The following DOK5 variants were observed in gnomAD, a reference collection of about 807,000 sequenced individuals.
DOK5 encodes the protein downstream of tyrosine kinase 5.
A neutral mutation model predicts 43.3 loss-of-function variants in DOK5; 27 were observed. The ratio of observed to expected loss-of-function variants is 0.62; its 90% confidence interval spans 0.46 to 0.86. DOK5 has a LOEUF of 0.86. Ranked by LOEUF, DOK5 falls within the 40% of genes least tolerant of loss-of-function variation. DOK5 has a pLI of 0.00. For synonymous variants in DOK5, 146 were observed against 140.1 expected (o/e 1.04, Z -0.30); for missense variants, 373 against 392.9 (o/e 0.95, Z 0.43).
At chr20:54,607,105 C>T (rs1986496005) in intron 5 of DOK5, among the ~76,000 whole-genome samples, 1 of 152,214 alleles carries the variant, frequency 6.6e-6, no homozygotes, top group Admixed American at 6.5e-5. Context: ...GATCAGGGAT[C>T]ACCTGGCTGG....
chr20:54,639,622 GT>G (rs1322748496), intron 6 of DOK5, among the ~76,000 whole-genome samples: 1 of 58,568 alleles, frequency 1.7e-5, no homozygotes, highest in East Asian at 5.7e-3. Context: ...TATATCTATT[GT>G]AAAAAAAAAA....
intron 1 of DOK5, among the ~76,000 whole-genome samples, chr20:54,536,078 C>G (rs1008721784): frequency 2.0e-5 from 3 of 152,094 alleles, no homozygotes; most frequent in Non-Finnish European, 4.4e-5. Flanking sequence ...CTTGAGGATT[C>G]AAAGTGATTC....
In DOK5 at chr20:54,576,674, A is replaced by G. The variant is rs142551419; in HGVS notation, c.175-11809A>G. Among the ~76,000 whole-genome samples, 576 of 152,224 alleles carry G rather than the reference A, an allele frequency of 3.8e-3. 1 individual carries two copies. The highest frequency in any genetic ancestry group is 0.014 in the African/African-American group (561 of 41,538). ...CACAGGACCTGGCATGCCGATTCCT[A>G]TGCTGTGTGTCTTAAATTTCATTTG... is the stretch of plus-strand genomic sequence containing the variant. On this transcript the variant is annotated intron_variant, in intron 2 of 7. Coordinates refer to ENST00000262593, the MANE Select transcript of DOK5 (RefSeq NM_018431.5).
chr20:54,531,599 A>G (rs1028467421), intron 1 of DOK5, among the ~76,000 whole-genome samples: 2 of 152,222 alleles, frequency 1.3e-5, no homozygotes, highest in Admixed American at 6.5e-5. Flanking sequence ...TTGGAGACAA[A>G]GTCTTGGGGA....
chr20:54,477,981 G>A (rs555135307), intron 1 of DOK5, among the ~76,000 whole-genome samples: 1 of 152,288 alleles, frequency 6.6e-6, no homozygotes. Flanking sequence ...GAAATATTTA[G>A]TTTGTATTTG....
chr20:54,644,722 A>AAACC (rs1979310398), intron 7 of DOK5, among the ~76,000 whole-genome samples: 4 of 146,628 alleles, frequency 2.7e-5, no homozygotes, highest in Middle Eastern at 3.5e-3. Context: ...AAAAAAAAAA[A>AAACC]AACAAAATTT....
rs988721546 is a variant in DOK5, at chr20:54,515,862, G to A, written c.67-39071G>A. Among the ~76,000 whole-genome samples, 4 of 152,194 alleles carry A rather than the reference G, an allele frequency of 2.6e-5. No homozygotes were observed. The South Asian group carries it at 6.2e-4, about 24-fold the overall frequency. On this transcript the variant is annotated intron_variant, in intron 1 of 7. Coordinates refer to ENST00000262593, the MANE Select transcript of DOK5 (RefSeq NM_018431.5). ...AAATAAGATTACTGGCCATCAGCCG[G>A]TTTTGCCAGGTGATGGCATGAATGT...
At chr20:54,554,163 A>G (rs1434333527) in intron 1 of DOK5, among the ~76,000 whole-genome samples, 1 of 152,172 alleles carries the variant, frequency 6.6e-6, no homozygotes, top group African/African-American at 2.4e-5. Flanking sequence ...TCCTGGGGAT[A>G]TAGATGATTT....
intron 6 of DOK5, among the ~76,000 whole-genome samples, chr20:54,639,639 TA>T (rs1287042218): frequency 5.3e-5 from 8 of 151,968 alleles, no homozygotes; most frequent in East Asian, 3.9e-4. Context: ...AAAAACTATA[TA>T]AAAATATATT....
At chr20:54,627,691 A>G (rs1023495519) in intron 6 of DOK5, among the ~76,000 whole-genome samples, 1 of 152,234 alleles carries the variant, frequency 6.6e-6, no homozygotes, top group African/African-American at 2.4e-5. Flanking sequence ...TGTGCATCAC[A>G]GTCACCTACA....
At chr20:54,647,092 C>G (rs1979467432) in intron 7 of DOK5, among the ~76,000 whole-genome samples, 1 of 152,094 alleles carries the variant, frequency 6.6e-6, no homozygotes, top group African/African-American at 2.4e-5. Context: ...GGTTTTGACA[C>G]GTGCCACACA....
rs543862846 is a variant in DOK5 at position 54,490,678 on chromosome 20, C to T, written c.66+14666C>T. Among the ~76,000 whole-genome samples the T allele has an allele frequency of 2.1e-4, 32 of 152,254 alleles. No homozygotes were observed. The East Asian group carries it at 4.3e-3, about 20-fold the overall frequency. On this transcript the variant is annotated intron_variant, in intron 1 of 7. Transcript: ENST00000262593. ...TTGGCTCATGGCAACCTCCGCCTCC[C>T]GTGTTCAAGCAATTCTCCTGCCTCA...
At chr20:54,634,100 A>G (rs527360652) in intron 6 of DOK5, among the ~76,000 whole-genome samples, 2 of 152,312 alleles carry the variant, frequency 1.3e-5, no homozygotes, top group African/African-American at 2.4e-5. Context: ...CCAGAAATGC[A>G]TTTGGCAGGT....
intron 5 of DOK5, 53 bp downstream of exon 5, chr20:54,591,858 C>A: frequency 6.8e-7 from 1 of 1,474,768 alleles, no homozygotes; most frequent in South Asian, 1.3e-5. Flanking sequence ...TGTGTGTGTT[C>A]ATTTTTACCA....
intron 6 of DOK5, among the ~76,000 whole-genome samples, chr20:54,626,903 T>G (rs920073749): frequency 2.6e-5 from 4 of 152,192 alleles, no homozygotes; most frequent in African/African-American, 9.7e-5. Flanking sequence ...AATTTAAATT[T>G]TATTGGAACA....
intron 1 of DOK5, among the ~76,000 whole-genome samples, chr20:54,504,032 C>T (rs1218172886): frequency 6.6e-6 from 1 of 152,186 alleles, no homozygotes; most frequent in Non-Finnish European, 1.5e-5. Context: ...TTGTCCATGC[C>T]ACCCTGGTGA....
At chr20:54,546,493 C>T (rs1482261481) in intron 1 of DOK5, among the ~76,000 whole-genome samples, 1 of 151,976 alleles carries the variant, frequency 6.6e-6, no homozygotes, top group Non-Finnish European at 1.5e-5. Context: ...TGGTGTGCTG[C>T]ACCCATTAAC....
At chr20:54,573,458 C>G (rs899244260) in intron 2 of DOK5, among the ~76,000 whole-genome samples, 2 of 152,018 alleles carry the variant, frequency 1.3e-5, no homozygotes. Flanking sequence ...GAGGCCGAGG[C>G]AGGCAGATCA....
At chr20:54,629,319 AG>A (rs1265784406) in intron 6 of DOK5, among the ~76,000 whole-genome samples, 2 of 152,222 alleles carry the variant, frequency 1.3e-5, no homozygotes, top group Non-Finnish European at 2.9e-5. Context: ...CAAGTGAGCG[AG>A]GAAGCTGTGA....
Sources: gnomAD v4.1 joint callset for allele counts (sites outside exome capture counted in the v4.1 genomes callset) on GRCh38, gnomAD v4.1.1 for gene constraint, MANE v1.5 for transcripts, NCBI Gene and HGNC (gene_info 2026-07-23, HGNC 2026-07-21) for gene names.